PCDHGA3: variants seen among roughly 807,000 people sequenced by gnomAD.
PCDHGA3 encodes protocadherin gamma-A3.
A neutral mutation model predicts 58.5 loss-of-function variants in PCDHGA3; 40 were observed. That is an observed-to-expected ratio of 0.68 (90% confidence interval 0.53 to 0.89). The LOEUF is 0.89. Among genes scored for constraint, PCDHGA3 ranks in the 40% least tolerant of loss-of-function variants. The pLI, the probability that PCDHGA3 is intolerant of heterozygous loss-of-function variation, is 0.00. For missense variants in PCDHGA3, 1,223 were observed against 1,195.9 expected (o/e 1.02, Z -0.33); for synonymous variants, 530 against 525.7 (o/e 1.01, Z -0.11).
At chr5:141,505,538 T>C in intron 3 of PCDHGA3, 57 bp downstream of exon 3, 1 of 1,610,262 alleles carries the variant, frequency 6.2e-7, no homozygotes, top group Non-Finnish European at 8.5e-7. Context: ...CTGGGGTGCA[T>C]CTCACAGCCA....
chr5:141,395,038 G>A lies in PCDHGA3; in HGVS notation c.2424+48581G>A, dbSNP rs762482437. On this transcript the variant is annotated intron_variant, in intron 1 of 3. Transcript: ENST00000253812. Reference sequence around the variant, plus strand: ...GGCGTGCCTGCCTCACATTTTGTGGGTGTTGAGGAGGTACAGGCTTTCCTG... The same window carrying A: ...GGCGTGCCTGCCTCACATTTTGTGGATGTTGAGGAGGTACAGGCTTTCCTG... 5.3e-5 allele frequency: 85 copies of A among 1,614,150 alleles called. 1 individual carries two copies. Among genetic ancestry groups the A allele is most frequent in the Non-Finnish European group, 7.1e-5 (84 of 1,180,034 alleles).
intron 1 of PCDHGA3, chr5:141,404,365 C>G (rs1322773399): frequency 1.2e-6 from 2 of 1,613,818 alleles, no homozygotes; most frequent in Admixed American, 3.3e-5. Context: ...GTACTTCCAT[C>G]TTCTCCGTGA....
At chr5:141,492,070 G>T (rs1408035481) in intron 1 of PCDHGA3, 1 of 477,946 alleles carries the variant, frequency 2.1e-6, no homozygotes. Context: ...CCTCCTAGGC[G>T]CCGGCTCCGG....
At position 141,344,813 on chromosome 5, in the gene PCDHGA3, G is replaced by A; in HGVS notation, c.780G>A (p.Arg260=). ...GGGAGAACGTGCCTGTGGGTACCCGGCTGCTCACGGTGAATGCCACTGACC... is the reference window on the plus strand; with the variant it reads ...GGGAGAACGTGCCTGTGGGTACCCGACTGCTCACGGTGAATGCCACTGACC... ...SVWENVPVGT[R]LLTVNATDPD... Residue 260 remains arginine (R), a synonymous_variant, in exon 1 of 4, where the codon CGG becomes CGA. Coordinates refer to ENST00000253812, the MANE Select transcript of PCDHGA3 (RefSeq NM_018916.4). The A allele has an allele frequency of 6.2e-7, 1 of 1,613,936 alleles. No homozygotes were observed. Among genetic ancestry groups the A allele is most frequent in the South Asian group, 1.1e-5 (1 of 91,078 alleles).
chr5:141,405,677 C>T (rs1204978047), intron 1 of PCDHGA3, among the ~76,000 whole-genome samples: 3 of 152,088 alleles, frequency 2.0e-5, no homozygotes, highest in African/African-American at 7.2e-5. Context: ...GGGGTGTCAC[C>T]ATGTTGGCCA....
chr5:141,418,504 A>T (rs761133198), intron 1 of PCDHGA3: 32 of 1,613,904 alleles, frequency 2.0e-5, no homozygotes, highest in Non-Finnish European at 2.7e-5. Context: ...TGACCGCCTT[A>T]GATGGTGGGG....
intron 3 of PCDHGA3, among the ~76,000 whole-genome samples, chr5:141,506,923 C>G: frequency 6.6e-6 from 1 of 152,184 alleles, no homozygotes; most frequent in African/African-American, 2.4e-5. Flanking sequence ...ACATACTAAA[C>G]AAACTTTAGG....
chr5:141,437,831 G>C (rs923199746), intron 1 of PCDHGA3, among the ~76,000 whole-genome samples: 16 of 151,256 alleles, frequency 1.1e-4, no homozygotes, highest in African/African-American at 3.4e-4. Flanking sequence ...TCTGCCTCCT[G>C]GGTTCATGCT....
rs1001555249 is a variant in PCDHGA3, at chr5:141,486,728, G to A, written c.2425-8079G>A. The A allele has an allele frequency of 1.2e-6, 2 of 1,614,200 alleles. No homozygotes were observed. The highest frequency in any genetic ancestry group is 1.7e-6 in the Non-Finnish European group (2 of 1,180,052). On this transcript the variant is annotated intron_variant, in intron 1 of 3. Transcript: ENST00000253812. This position sits in a 1 kb window ranked among gnomAD's most constrained non-coding sequence, Gnocchi z 5.0. Reference sequence around the variant, plus strand: ...GAACCCCCAGACAGGAGCTGTTCATGCTACTCGATCCTTTGACTATGAGCA... The same window carrying A: ...GAACCCCCAGACAGGAGCTGTTCATACTACTCGATCCTTTGACTATGAGCA...
Position 141,421,478 on chromosome 5 carries a change from G to A in PCDHGA3, c.2425-73329G>A, listed in dbSNP as rs763769838. The A allele has an allele frequency of 2.5e-6, 4 of 1,614,012 alleles. No individual in the cohort carries two copies. In the African/African-American group the frequency reaches 4.0e-5, roughly 16 times the overall value. On this transcript the variant is annotated intron_variant, in intron 1 of 3. Coordinates refer to ENST00000253812, the MANE Select transcript of PCDHGA3 (RefSeq NM_018916.4). ...TTCGCTGTGAATCCGCGAAGCGGCA[G>A]CTTGATCACGGCAGGCAGGATAGAC... is the stretch of plus-strand genomic sequence containing the variant.
At chr5:141,395,478 T>G in intron 1 of PCDHGA3, 1 of 546,140 alleles carries the variant, frequency 1.8e-6, no homozygotes, top group Non-Finnish European at 3.1e-6. Context: ...CAGTATTTTA[T>G]TCCTATTATC....
intron 1 of PCDHGA3, chr5:141,420,319 G>T (rs1393746531): frequency 7.0e-7 from 1 of 1,437,422 alleles, no homozygotes; most frequent in African/African-American, 1.4e-5. Context: ...ATTACAATAT[G>T]CCAATATATT....
intron 1 of PCDHGA3, among the ~76,000 whole-genome samples, chr5:141,437,829 C>T (rs2097913718): frequency 6.6e-6 from 1 of 151,986 alleles, no homozygotes; most frequent in Admixed American, 6.6e-5. Flanking sequence ...CCTCTGCCTC[C>T]TGGGTTCATG....
intron 1 of PCDHGA3, chr5:141,355,150 G>C (rs754814778): frequency 1.9e-6 from 3 of 1,547,684 alleles, no homozygotes; most frequent in African/African-American, 2.7e-5. Context: ...GGCTCCTCAG[G>C]CCTCGACAGA....
At chr5:141,425,021 CT>C (rs1561817318) in intron 1 of PCDHGA3, among the ~76,000 whole-genome samples, 1 of 152,054 alleles carries the variant, frequency 6.6e-6, no homozygotes, top group Non-Finnish European at 1.5e-5. Context: ...AGGAATTTAC[CT>C]TATGTCATTA....
chr5:141,494,074 C>A (rs2099751716), intron 1 of PCDHGA3, among the ~76,000 whole-genome samples: 1 of 152,180 alleles, frequency 6.6e-6, no homozygotes, highest in Non-Finnish European at 1.5e-5. Context: ...GGATCCCTCC[C>A]CGCTGCATCC....
At chr5:141,350,817 G>T (rs62378414) in intron 1 of PCDHGA3, 45,375 of 1,614,002 alleles carry the variant, frequency 0.028, 719 homozygotes, top group Middle Eastern at 0.09. Context: ...CCTGATGGAA[G>T]TAAATATCCG....
intron 1 of PCDHGA3, chr5:141,394,054 AT>A: frequency 6.2e-7 from 1 of 1,613,802 alleles, no homozygotes; most frequent in Non-Finnish European, 8.5e-7. Flanking sequence ...GACCGAGAAA[AT>A]GTCTCTATCT....
At chr5:141,371,162 C>A (rs1767541774) in intron 1 of PCDHGA3, 3 of 1,613,860 alleles carry the variant, frequency 1.9e-6, no homozygotes, top group African/African-American at 2.7e-5. Flanking sequence ...AGAACCTGCC[C>A]GCTGGCTCCT....
Sources: gnomAD v4.1 joint callset for allele counts (sites outside exome capture counted in the v4.1 genomes callset) on GRCh38, gnomAD v4.1.1 for gene constraint, Gnocchi (gnomAD v3.1) non-coding constraint, MANE v1.5 for transcripts, NCBI Gene and HGNC (gene_info 2026-07-23, HGNC 2026-07-21) for gene names.